The following DDR2 variants were observed in gnomAD, a reference collection of about 807,000 sequenced individuals.
The protein encoded by DDR2 is discoidin domain-containing receptor 2.
DDR2 carries 27 observed loss-of-function variants against 94.9 expected under a neutral mutation model. The ratio of observed to expected loss-of-function variants is 0.28; its 90% confidence interval spans 0.21 to 0.39. The LOEUF is 0.39. DDR2 is among the 10% of genes least tolerant of loss of function. DDR2 has a pLI of 1.00. For synonymous variants in DDR2, 382 were observed against 377.2 expected, an observed-to-expected ratio of 1.01 and a Z score of -0.15; for missense variants, 783 against 1,076.0, an observed-to-expected ratio of 0.73 and a Z score of 3.81.
intron 3 of DDR2, among the ~76,000 whole-genome samples, chr1:162,740,791 TA>T (rs1338548093): frequency 1.3e-5 from 2 of 152,162 alleles, no homozygotes; most frequent in African/African-American, 4.8e-5. Flanking sequence ...GGAATTAAAA[TA>T]AACCATGGGT....
At chr1:162,650,976 G>T (rs994006368) in intron 1 of DDR2, among the ~76,000 whole-genome samples, 3 of 152,074 alleles carry the variant, frequency 2.0e-5, no homozygotes, top group African/African-American at 2.4e-5. Flanking sequence ...TGATCCACCT[G>T]CCTTGGCCTC....
chr1:162,723,878 G>A (rs895540083), intron 3 of DDR2, among the ~76,000 whole-genome samples: 2 of 152,182 alleles, frequency 1.3e-5, no homozygotes, highest in African/African-American at 2.4e-5. Context: ...TATCCAGAAT[G>A]CTTCCACTTT....
chr1:162,678,158 T>C (rs1278718875), intron 2 of DDR2, among the ~76,000 whole-genome samples: 2 of 152,200 alleles, frequency 1.3e-5, no homozygotes, highest in East Asian at 3.8e-4. Context: ...GAGTTGACTT[T>C]GTTACCTACT....
rs200683191 is a variant in DDR2 at position 162,712,210 on chromosome 1, C to T, written c.-27-6827C>T. On this transcript the variant is annotated intron_variant, in intron 2 of 17. Transcript: ENST00000367921. ...ACAACCAAGAGCTGATCTAGGATGC[C>T]CACATATTCCTGGCTCATCCATGAG... is the stretch of plus-strand genomic sequence containing the variant. Among the ~76,000 whole-genome samples, 8 of 147,474 alleles carry T rather than the reference C, an allele frequency of 5.4e-5. No individual in the cohort carries two copies. In the East Asian group the frequency reaches 1.6e-3, roughly 29 times the overall value.
At chr1:162,664,114 T>C (rs1485720344) in intron 2 of DDR2, among the ~76,000 whole-genome samples, 1 of 152,106 alleles carries the variant, frequency 6.6e-6, no homozygotes, top group Non-Finnish European at 1.5e-5. Flanking sequence ...AAGGGCTGAG[T>C]AGACATTCAA....
intron 2 of DDR2, among the ~76,000 whole-genome samples, chr1:162,710,000 C>G (rs2102011864): frequency 6.6e-6 from 1 of 152,272 alleles, no homozygotes; most frequent in Admixed American, 6.5e-5. Flanking sequence ...CCAGTGTGTA[C>G]AGTACAGACA....
intron 2 of DDR2, among the ~76,000 whole-genome samples, chr1:162,668,655 C>T (rs1223025935): frequency 6.6e-6 from 1 of 152,058 alleles, no homozygotes; most frequent in African/African-American, 2.4e-5. Flanking sequence ...TCTTTGTGTC[C>T]ACATCTTTTT....
At chr1:162,731,149 C>T (rs1571257551) in intron 3 of DDR2, among the ~76,000 whole-genome samples, 1 of 152,176 alleles carries the variant, frequency 6.6e-6, no homozygotes, top group Admixed American at 6.5e-5. Context: ...TTACTGCACA[C>T]TACTCCATCC....
intron 3 of DDR2, 23 bp downstream of exon 3, chr1:162,719,168 A>G (rs1267613342): frequency 1.9e-6 from 3 of 1,613,446 alleles, no homozygotes; most frequent in Non-Finnish European, 2.5e-6. Context: ...TTACTCAGCT[A>G]TATGCTAGAA....
chr1:162,660,780 C>A (rs967880745), intron 2 of DDR2, among the ~76,000 whole-genome samples: 4 of 152,154 alleles, frequency 2.6e-5, no homozygotes, highest in Non-Finnish European at 4.4e-5. Flanking sequence ...ATCCAGCCTG[C>A]CACCTCTTTT....
intron 9 of DDR2, among the ~76,000 whole-genome samples, chr1:162,765,785 A>G (rs1663962432): frequency 6.7e-6 from 1 of 149,244 alleles, no homozygotes; most frequent in Admixed American, 6.8e-5. Context: ...CTAGTATGTA[A>G]TATGTGAAAC....
At chr1:162,660,006 C>CGTT (rs10667611) in intron 2 of DDR2, among the ~76,000 whole-genome samples, 126,030 of 151,696 alleles carry the variant, frequency 0.83, 53,006 homozygotes, top group Middle Eastern at 0.93. Flanking sequence ...GCAGGAACAA[C>CGTT]GTTAAGTATT....
At position 162,636,524 on chromosome 1, in the gene DDR2, T is replaced by C. The variant is rs192381719; in HGVS notation, c.-192+3893T>C. On this transcript the variant is annotated intron_variant, in intron 1 of 17. Transcript: ENST00000367921. The stretch of plus-strand genomic sequence containing the variant: ...GTTAGTGCTGGCTGGTGCTCTGTAG[T>C]GTGAGTGAGAGGGAGAGGGCATGTG... 1.2e-3 allele frequency among the ~76,000 whole-genome samples: 189 copies of C among 152,222 alleles called. 1 individual carries two copies. Among genetic ancestry groups the C allele is most frequent in the Non-Finnish European group, 5.3e-4 (36 of 68,014 alleles).
At chr1:162,746,726 G>A (rs368917519) in intron 3 of DDR2, among the ~76,000 whole-genome samples, 17 of 152,334 alleles carry the variant, frequency 1.1e-4, no homozygotes, top group African/African-American at 3.8e-4. Flanking sequence ...CCCAGTAGGG[G>A]CCTACAGACA....
Position 162,635,218 on chromosome 1 carries a change from A to G in DDR2, c.-192+2587A>G, listed in dbSNP as rs761930649. 5.1e-4 allele frequency among the ~76,000 whole-genome samples: 77 copies of G among 152,110 alleles called. 1 individual carries two copies. Among genetic ancestry groups the G allele is most frequent in the Admixed American group, 1.4e-3 (21 of 15,270 alleles). ...TTGTATAATTGCTCCCCAGTCTTGA[A>G]GTCATCTGAATTCTCTATCACACAC... On this transcript the variant is annotated intron_variant, in intron 1 of 17. Transcript: ENST00000367921.
chr1:162,732,070 A>G (rs142047693), intron 3 of DDR2, among the ~76,000 whole-genome samples: 10 of 152,344 alleles, frequency 6.6e-5, no homozygotes, highest in Admixed American at 2.0e-4. Context: ...GAAACCCACT[A>G]CAGCTTGGGG....
chr1:162,753,268 C>A (rs895406896), intron 4 of DDR2, 71 bp downstream of exon 4: 1 of 1,413,388 alleles, frequency 7.1e-7, no homozygotes, highest in Non-Finnish European at 1.0e-6. Context: ...GATTCCTGAC[C>A]CTAGGGGCTG....
intron 3 of DDR2, among the ~76,000 whole-genome samples, chr1:162,727,529 TAA>T (rs1473045621): frequency 6.9e-6 from 1 of 145,802 alleles, no homozygotes; most frequent in Non-Finnish European, 1.5e-5. Context: ...AATAAATAAA[TAA>T]AAATAAAAAT....
chr1:162,719,130 G>T lies in DDR2; in HGVS notation c.67G>T (p.Ala23Ser). 19 of 1,613,730 alleles carry T rather than the reference G, an allele frequency of 1.2e-5. 1 individual carries two copies. Among genetic ancestry groups the T allele is most frequent in the Non-Finnish European group, 1.6e-5 (19 of 1,179,756 alleles). ...LLLPILSSAK[A>S]QVNPAICRYP... ...GCTGCCTATCTTGAGTTCTGCAAAAGCTCAGGTTAATCCAGGTAACATGGC... is the reference window on the plus strand; with the variant it reads ...GCTGCCTATCTTGAGTTCTGCAAAATCTCAGGTTAATCCAGGTAACATGGC... The change falls in exon 3 of 18, where the codon GCT (alanine) becomes TCT (serine). Residue 23 changes from alanine to serine, a missense_variant. Transcript: ENST00000367921.
Sources: gnomAD v4.1 joint callset for allele counts (sites outside exome capture counted in the v4.1 genomes callset) on GRCh38, gnomAD v4.1.1 for gene constraint, MANE v1.5 for transcripts, NCBI Gene and HGNC (gene_info 2026-07-23, HGNC 2026-07-21) for gene names.